GALM: variants seen among roughly 807,000 people sequenced by gnomAD.
GALM encodes aldose 1-epimerase.
GALM carries 43 observed loss-of-function variants against 37.4 expected under a neutral mutation model. The observed-to-expected ratio is 1.15, with a 90% confidence interval of 0.90 to 1.48. The LOEUF is 1.48. Among genes scored for constraint, GALM ranks in the 40% most tolerant of loss-of-function variants. The pLI, the probability that GALM is intolerant of heterozygous loss-of-function variation, is 0.00. For synonymous variants in GALM, 199 were observed against 170.6 expected (o/e 1.17, Z -1.30); for missense variants, 456 against 419.1 (o/e 1.09, Z -0.77).
intron 4 of GALM, among the ~76,000 whole-genome samples, chr2:38,703,386 G>A (rs1490023066): frequency 2.6e-5 from 4 of 151,542 alleles, no homozygotes; most frequent in South Asian, 2.1e-4. Context: ...GATTACAAGC[G>A]TGAGCCACCG....
intron 2 of GALM, 46 bp downstream of exon 2, chr2:38,676,112 G>C (rs570784754): frequency 3.8e-6 from 6 of 1,593,196 alleles, no homozygotes; most frequent in South Asian, 1.1e-5. Flanking sequence ...CTCACTTTAC[G>C]CATACCTTCT....
intron 4 of GALM, among the ~76,000 whole-genome samples, chr2:38,700,241 C>T (rs1328989339): frequency 2.6e-5 from 4 of 152,104 alleles, no homozygotes; most frequent in Non-Finnish European, 5.9e-5. Context: ...TGTGAACCAC[C>T]GCGCTCAGCC....
intron 3 of GALM, among the ~76,000 whole-genome samples, chr2:38,686,276 C>CTTTCTTCTTTCTTTCTTTCTTTCTTTCT (rs1294189123): frequency 3.0e-5 from 3 of 99,032 alleles, no homozygotes; most frequent in African/African-American, 1.3e-4. Context: ...TTCTTTCTTT[C>CTTTCTTCTTTCTTTCTTTCTTTCTTTCT]TTATTTTGAG....
At chr2:38,668,645 G>A (rs1288997522) in intron 1 of GALM, 1 of 151,992 alleles carries the variant, frequency 6.6e-6, no homozygotes, top group Non-Finnish European at 1.5e-5. Context: ...AAAGTAATAA[G>A]ACTTGACAGA....
intron 5 of GALM, among the ~76,000 whole-genome samples, chr2:38,730,746 C>T (rs375469074): frequency 4.6e-5 from 7 of 151,130 alleles, no homozygotes; most frequent in South Asian, 2.1e-4. Flanking sequence ...CATGGTGAAA[C>T]GCCGTCTCTA....
rs557422478 is a variant in GALM, at chr2:38,680,711, T to C, written c.346-569T>C. Among the ~76,000 whole-genome samples the C allele has an allele frequency of 2.7e-5, 4 of 145,920 alleles. No homozygotes were observed. In the South Asian group the frequency reaches 8.4e-4, roughly 31 times the overall value. ...CGTTTAGCAGAGTGGGGCTACAAGA[T>C]TAAAAAAAAAAATCAAAGAAAAATC... On this transcript the variant is annotated intron_variant, in intron 2 of 6. Coordinates refer to ENST00000272252, the MANE Select transcript of GALM (RefSeq NM_138801.3).
At chr2:38,712,072 T>C (rs551265491) in intron 4 of GALM, among the ~76,000 whole-genome samples, 7 of 152,338 alleles carry the variant, frequency 4.6e-5, no homozygotes, top group Non-Finnish European at 8.8e-5. Context: ...TGTTTCATTG[T>C]TGACTAAAGT....
At chr2:38,705,833 G>A (rs1204925827) in intron 4 of GALM, among the ~76,000 whole-genome samples, 1 of 152,018 alleles carries the variant, frequency 6.6e-6, no homozygotes, top group Non-Finnish European at 1.5e-5. Context: ...CCGATGAGCT[G>A]GGATTTTTTT....
At chr2:38,681,608 A>C (rs1572515686) in intron 3 of GALM, 122 bp downstream of exon 3, 1 of 772,888 alleles carries the variant, frequency 1.3e-6, no homozygotes, top group East Asian at 2.6e-5. Flanking sequence ...GATGATGAAA[A>C]GGGCCCAGCA....
At chr2:38,694,403 TCTC>T (rs1265825896) in intron 4 of GALM, among the ~76,000 whole-genome samples, 2 of 152,236 alleles carry the variant, frequency 1.3e-5, no homozygotes, top group African/African-American at 2.4e-5. Flanking sequence ...CCTCTCACTG[TCTC>T]CTCCTTGTTC....
intron 4 of GALM, among the ~76,000 whole-genome samples, chr2:38,713,314 T>G (rs1666208368): frequency 6.6e-6 from 1 of 152,178 alleles, no homozygotes; most frequent in Admixed American, 6.5e-5. Context: ...TCTCTCATAC[T>G]AGAGCAGTCA....
intron 1 of GALM, 80 bp from the exon 2 acceptor site, chr2:38,675,832 G>A (rs1346457136): frequency 7.4e-7 from 1 of 1,350,326 alleles, no homozygotes; most frequent in Non-Finnish European, 1.1e-6. Context: ...GCCTCCCATA[G>A]TGCTGGGATT....
chr2:38,732,678 T>A (rs1572548859), intron 6 of GALM, among the ~76,000 whole-genome samples: 1 of 152,046 alleles, frequency 6.6e-6, no homozygotes, highest in South Asian at 2.1e-4. Context: ...CCCAGCACTT[T>A]GGGAGGCTGA....
At chr2:38,715,968 A>G (rs1371386598) in intron 4 of GALM, among the ~76,000 whole-genome samples, 4 of 152,246 alleles carry the variant, frequency 2.6e-5, no homozygotes, top group African/African-American at 9.6e-5. Context: ...AAATTTATAC[A>G]GCAAAGAAAG....
chr2:38,696,439 T>C (rs1665807533), intron 4 of GALM, among the ~76,000 whole-genome samples: 1 of 150,394 alleles, frequency 6.6e-6, no homozygotes, highest in African/African-American at 2.4e-5. Flanking sequence ...TTTTCTTTTT[T>C]TTTTTTTTTT....
intron 2 of GALM, 131 bp from the exon 3 acceptor site, chr2:38,681,149 G>T: frequency 2.6e-6 from 2 of 777,444 alleles, no homozygotes; most frequent in Non-Finnish European, 4.4e-6. Context: ...AAAAATCCAG[G>T]CTATCATTAA....
rs34403810 is a variant in GALM, at chr2:38,719,774, C to CAAA, written c.635-9767_635-9765dup. On this transcript the variant is annotated intron_variant, in intron 4 of 6. Transcript: ENST00000272252. Reference sequence around the variant, plus strand: ...GGTCGACAAGAACGAAATTCTGTCTCAAAAAAAAAAAAAAAAAGATTAGGA... The same window carrying CAAA: ...GGTCGACAAGAACGAAATTCTGTCTCAAAAAAAAAAAAAAAAAAAAGATTAGGA... Among the ~76,000 whole-genome samples, 730 of 118,398 alleles carry CAAA rather than the reference C, an allele frequency of 6.2e-3. 14 individuals carry two copies. Among genetic ancestry groups the CAAA allele is most frequent in the South Asian group, 0.026 (86 of 3,316 alleles). 77.7% of individuals were successfully genotyped at this position (118,398 alleles called of 152,430 possible).
chr2:38,686,305 T>A (rs112063899), intron 3 of GALM, among the ~76,000 whole-genome samples: 1 of 149,650 alleles, frequency 6.7e-6, no homozygotes, highest in Non-Finnish European at 1.5e-5. Flanking sequence ...TCGCTCTGTC[T>A]CCCAGGCTGG....
chr2:38,730,960 TC>T (rs1175120002), intron 5 of GALM, among the ~76,000 whole-genome samples: 1 of 150,558 alleles, frequency 6.6e-6, no homozygotes, highest in Admixed American at 6.6e-5. Flanking sequence ...GCAGTGGCTC[TC>T]ATGCCTGTAA....
Sources: gnomAD v4.1 joint callset for allele counts (sites outside exome capture counted in the v4.1 genomes callset) on GRCh38, gnomAD v4.1.1 for gene constraint, MANE v1.5 for transcripts, NCBI Gene and HGNC (gene_info 2026-07-23, HGNC 2026-07-21) for gene names.